Variants in CCDC34 observed in about 807,000 individuals in gnomAD.
The protein encoded by CCDC34 is coiled-coil domain-containing protein 34.
A neutral mutation model predicts 44.1 loss-of-function variants in CCDC34; 40 were observed. That is an observed-to-expected ratio of 0.91 (90% confidence interval 0.70 to 1.18). CCDC34 has a LOEUF of 1.18. Ranked by LOEUF, CCDC34 falls within the 50% of genes most tolerant of loss-of-function variation. CCDC34 has a pLI of 0.00. For synonymous variants in CCDC34, 159 were observed against 158.2 expected, an observed-to-expected ratio of 1.01 and a Z score of -0.04; for missense variants, 466 against 452.3, an observed-to-expected ratio of 1.03 and a Z score of -0.28.
intron 3 of CCDC34, among the ~76,000 whole-genome samples, chr11:27,344,502 T>C (rs1262561294): frequency 6.6e-6 from 1 of 151,760 alleles, no homozygotes. Context: ...ATGTGTACAT[T>C]ACATATATGC....
At chr11:27,358,155 T>C (rs1450228664) in intron 1 of CCDC34, among the ~76,000 whole-genome samples, 1 of 152,170 alleles carries the variant, frequency 6.6e-6, no homozygotes, top group East Asian at 1.9e-4. Flanking sequence ...TGTGTATGAC[T>C]CTCTAGTCTG....
At chr11:27,357,571 T>C in intron 1 of CCDC34, 30 bp from the exon 2 acceptor site, 1 of 1,598,970 alleles carries the variant, frequency 6.3e-7, no homozygotes, top group Non-Finnish European at 8.5e-7. Flanking sequence ...ATAGTACTTG[T>C]ACAAGAACCT....
chr11:27,353,820 C>G (rs185268216), intron 2 of CCDC34, among the ~76,000 whole-genome samples: 91 of 152,244 alleles, frequency 6.0e-4, no homozygotes, highest in African/African-American at 2.1e-3. Context: ...TCACTTATTT[C>G]TAAAATACAT....
intron 3 of CCDC34, chr11:27,349,445 C>A (rs940163994): frequency 1.3e-5 from 11 of 823,580 alleles, no homozygotes; most frequent in Non-Finnish European, 1.6e-5. Context: ...TTACTTAGTA[C>A]TCTTATTAAT....
In CCDC34 at chr11:27,350,443, T is replaced by G. The variant is rs2133344648; in HGVS notation, c.499-4A>C. The G allele has an allele frequency of 6.3e-7, 1 of 1,589,892 alleles. No individual in the cohort carries two copies. Among genetic ancestry groups the G allele is most frequent in the East Asian group, 2.2e-5 (1 of 44,478 alleles). On this transcript the variant is annotated splice_polypyrimidine_tract_variant and splice_region_variant and intron_variant, in intron 2 of 5. Transcript: ENST00000328697. ...TTTCTAGTTGTTGATTTAATTCCTG[T>G]GGATTTTATTTAGACAAAAGGCAAC... is the stretch of plus-strand genomic sequence containing the variant.
intron 3 of CCDC34, among the ~76,000 whole-genome samples, chr11:27,348,206 A>C (rs1006668196): frequency 1.3e-5 from 2 of 152,210 alleles, no homozygotes; most frequent in Non-Finnish European, 2.9e-5. Context: ...TGCTTTCTCC[A>C]ATAGTGCCTC....
In CCDC34 at chr11:27,363,175, C is replaced by T. The variant is rs763198870; in HGVS notation, c.20G>A (p.Trp7Ter). 2.0e-6 allele frequency: 3 copies of T among 1,489,220 alleles called. No individual in the cohort carries two copies. The highest frequency in any genetic ancestry group is 2.7e-6 in the Non-Finnish European group (3 of 1,126,014). The allele number at this position is 1,489,220 out of a possible 1,614,324, so 92.3% of individuals were successfully genotyped here. ...GTAGGAAGAGGGAAAAGTAGGCCCC[C>T]AGCGCCCCGCCGCCCACATCTGGCC... MWAAGR[W>*]GPTFPSSYAG... Residue 7 changes from tryptophan (W) to a stop codon, truncating the protein, a stop_gained, in exon 1 of 6, where the codon TGG becomes TAG. Transcript: ENST00000328697. LOFTEE classifies it high-confidence loss of function.
At chr11:27,358,138 G>A (rs957157961) in intron 1 of CCDC34, among the ~76,000 whole-genome samples, 2 of 152,088 alleles carry the variant, frequency 1.3e-5, no homozygotes, top group African/African-American at 2.4e-5. Flanking sequence ...CCAATCCTTA[G>A]ACAGGGTGTG....
chr11:27,353,348 A>G (rs1234574491), intron 2 of CCDC34, among the ~76,000 whole-genome samples: 1 of 151,930 alleles, frequency 6.6e-6, no homozygotes, highest in African/African-American at 2.4e-5. Context: ...CACCAGGACT[A>G]CTCACAAACT....
At chr11:27,358,655 C>T (rs1178879739) in intron 1 of CCDC34, among the ~76,000 whole-genome samples, 2 of 152,080 alleles carry the variant, frequency 1.3e-5, no homozygotes, top group African/African-American at 2.4e-5. Context: ...CCCATCTGCC[C>T]CCACTGTAGT....
At chr11:27,362,789 A>G (rs369208729) in intron 1 of CCDC34, 47 bp downstream of exon 1, 1 of 1,586,960 alleles carries the variant, frequency 6.3e-7, no homozygotes, top group Non-Finnish European at 8.6e-7. Context: ...AAGAGGGTCT[A>G]AGGAATCTTG....
Position 27,338,700 on chromosome 11 carries a change from C to A in CCDC34, c.*121G>T. On this transcript the variant is annotated 3_prime_UTR_variant, in exon 6 of 6. Coordinates refer to ENST00000328697, the MANE Select transcript of CCDC34 (RefSeq NM_030771.2). ...ACTCTAAGGACTCCATATACAAATG[C>A]AAAAATTGCTATTTGTCAATAATCA... 1.2e-6 allele frequency: 1 copy of A among 838,614 alleles called. No individual in the cohort carries two copies. Among genetic ancestry groups the A allele is most frequent in the Non-Finnish European group, 1.9e-6 (1 of 535,824 alleles). 51.9% of individuals were successfully genotyped at this position (838,614 alleles called of 1,614,324 possible). A position where few individuals can be genotyped will look rare whatever the true frequency, so the allele number is the denominator to read the frequency against.
chr11:27,353,204 T>G (rs766606867), intron 2 of CCDC34, among the ~76,000 whole-genome samples: 1 of 152,080 alleles, frequency 6.6e-6, no homozygotes, highest in Non-Finnish European at 1.5e-5. Context: ...GTAATAATAA[T>G]CAGAAAAACT....
In CCDC34 at chr11:27,350,264, GAAGTAT is replaced by G. The variant is rs543328459; in HGVS notation, c.606+62_606+67del. ...AAGTATTTTTTAAAACCTAGGTAAT[GAAGTAT>G]AATAGGAAGAAATATTTTGCAAAAG... On this transcript the variant is annotated intron_variant, in intron 3 of 5. Transcript: ENST00000328697. 4,502 of 1,607,052 alleles carry G rather than the reference GAAGTAT, an allele frequency of 2.8e-3. 7 individuals are homozygous for G. Among genetic ancestry groups the G allele is most frequent in the Non-Finnish European group, 3.2e-3 (3,792 of 1,178,222 alleles).
intron 3 of CCDC34, among the ~76,000 whole-genome samples, chr11:27,345,285 T>A (rs571564191): frequency 4.3e-4 from 65 of 152,288 alleles, no homozygotes; most frequent in Middle Eastern, 6.8e-3. Context: ...CATTTTTTTT[T>A]AATTTTATTA....
chr11:27,343,830 T>G (rs1862397250), intron 3 of CCDC34, among the ~76,000 whole-genome samples: 1 of 152,182 alleles, frequency 6.6e-6, no homozygotes, highest in Non-Finnish European at 1.5e-5. Flanking sequence ...CTAAGGCACA[T>G]GGAGGCTAAT....
chr11:27,349,167 T>C (rs948333444), intron 3 of CCDC34: 1 of 975,194 alleles, frequency 1.0e-6, no homozygotes, highest in Non-Finnish European at 1.2e-6. Context: ...CTATTCTGCA[T>C]GTGTAAAATA....
chr11:27,341,570 A>T lies in CCDC34; in HGVS notation c.607-20T>A, dbSNP rs546314233. ...TCTTTTCTTAAATAAAAATAGATAA[A>T]GTTTAATTGTAATACCAGTAATTAT... On this transcript the variant is annotated intron_variant, in intron 3 of 5. Transcript: ENST00000328697. 6.2e-6 allele frequency: 7 copies of T among 1,120,330 alleles called. No homozygotes were observed. The African/African-American group carries it at 8.0e-5, about 13-fold the overall frequency. 69.4% of individuals were successfully genotyped at this position (1,120,330 alleles called of 1,614,324 possible).
rs749985405 is a variant in CCDC34 at position 27,338,815 on chromosome 11, C to T, written c.*6G>A. The T allele has an allele frequency of 2.5e-6, 4 of 1,604,150 alleles. No homozygotes were observed. The highest frequency in any genetic ancestry group is 2.2e-5 in the South Asian group (2 of 89,738). On this transcript the variant is annotated 3_prime_UTR_variant, in exon 6 of 6. Coordinates refer to ENST00000328697, the MANE Select transcript of CCDC34 (RefSeq NM_030771.2). ...CCAGATAAAAGCATGTTATTTTCCACATACGCTATCTTTGTATTCTGCACA... is the reference window on the plus strand; with the variant it reads ...CCAGATAAAAGCATGTTATTTTCCATATACGCTATCTTTGTATTCTGCACA...
Sources: gnomAD v4.1 joint callset for allele counts (sites outside exome capture counted in the v4.1 genomes callset) on GRCh38, gnomAD v4.1.1 for gene constraint, MANE v1.5 for transcripts, NCBI Gene and HGNC (gene_info 2026-07-23, HGNC 2026-07-21) for gene names.